PDE4B: variants seen among roughly 807,000 people sequenced by gnomAD.
PDE4B encodes the protein 3',5'-cyclic-AMP phosphodiesterase 4B.
Under a neutral mutation model 82.2 loss-of-function variants are expected in PDE4B, and 20 were observed. That is an observed-to-expected ratio of 0.24 (90% CI 0.17 to 0.35). The LOEUF is 0.35. Ranked by LOEUF, PDE4B falls within the 10% of genes least tolerant of loss-of-function variation. PDE4B has a pLI of 1.00. For missense variants in PDE4B, 655 were observed against 907.2 expected (o/e 0.72, Z 3.57); for synonymous variants, 320 against 318.9 (o/e 1.00, Z -0.04).
chr1:65,936,829 C>G (rs925816951), intron 3 of PDE4B, among the ~76,000 whole-genome samples: 4 of 152,200 alleles, frequency 2.6e-5, no homozygotes, highest in Admixed American at 1.3e-4. Context: ...ATGTTCTAAA[C>G]ACTGAATCAT....
intron 3 of PDE4B, among the ~76,000 whole-genome samples, chr1:65,966,199 G>A (rs1649820260): frequency 6.6e-6 from 1 of 152,142 alleles, no homozygotes; most frequent in Non-Finnish European, 1.5e-5. Flanking sequence ...CTTCAGCAAA[G>A]TCTCAGGATA....
intron 7 of PDE4B, among the ~76,000 whole-genome samples, chr1:66,272,620 CT>C (rs57740806): frequency 0.41 from 62,589 of 151,544 alleles, 15,276 homozygotes; most frequent in Non-Finnish European, 0.55. Context: ...CTCCTTTAGT[CT>C]TTTTCTCTAA....
chr1:66,085,101 C>A (rs1174824115), intron 3 of PDE4B, among the ~76,000 whole-genome samples: 1 of 152,116 alleles, frequency 6.6e-6, no homozygotes, highest in Non-Finnish European at 1.5e-5. Flanking sequence ...CAGTGGTCCC[C>A]AGTGTGTAGA....
intron 1 of PDE4B, among the ~76,000 whole-genome samples, chr1:65,856,806 A>G (rs1470417985): frequency 6.6e-6 from 1 of 152,224 alleles, no homozygotes; most frequent in Admixed American, 6.5e-5. Context: ...ACAGTCAATC[A>G]AAAGCATTGA....
intron 1 of PDE4B, among the ~76,000 whole-genome samples, chr1:65,855,820 T>G (rs150721676): frequency 1.3e-5 from 2 of 152,238 alleles, no homozygotes; most frequent in Non-Finnish European, 2.9e-5. Flanking sequence ...GGGATCTATT[T>G]TCCCTCTCTG....
chr1:66,049,703 A>G (rs534254087), intron 3 of PDE4B, among the ~76,000 whole-genome samples: 13 of 152,188 alleles, frequency 8.5e-5, no homozygotes, highest in African/African-American at 3.1e-4. Flanking sequence ...ATGAAGTGAT[A>G]TGCCCATTTG....
At chr1:65,867,967 T>G (rs192846322) in intron 1 of PDE4B, among the ~76,000 whole-genome samples, 34 of 152,342 alleles carry the variant, frequency 2.2e-4, no homozygotes, top group African/African-American at 7.7e-4. Flanking sequence ...TACGGTCAGT[T>G]AATAGACATT....
intron 3 of PDE4B, among the ~76,000 whole-genome samples, chr1:66,228,362 T>C (rs989851539): frequency 5.3e-5 from 8 of 152,112 alleles, no homozygotes; most frequent in African/African-American, 1.7e-4. Context: ...CTAGCTGCAA[T>C]ATAAGAAATC....
rs544100156 is a variant in PDE4B, at chr1:65,919,199, A to C, written c.281+364A>C. On this transcript the variant is annotated intron_variant, in intron 3 of 16. Transcript: ENST00000341517. ...ACAAATTACATGTTACTATATGTAT[A>C]TGATGTTCTTATTGCTGAACTCTAC... 9.8e-5 allele frequency among the ~76,000 whole-genome samples: 15 copies of C among 152,362 alleles called. No individual in the cohort carries two copies. In the South Asian group the frequency reaches 3.1e-3, roughly 32 times the overall value.
At chr1:66,216,708 A>G (rs1570488455) in intron 3 of PDE4B, among the ~76,000 whole-genome samples, 1 of 152,168 alleles carries the variant, frequency 6.6e-6, no homozygotes, top group African/African-American at 2.4e-5. Flanking sequence ...TCACATATTT[A>G]CTTCCAAACT....
chr1:65,838,581 G>GTA lies in PDE4B; in HGVS notation c.-71+45341_-71+45342dup, dbSNP rs199577753. ...TATGTATATGTATATATGTATATGTGTATATATATGTATATGTATCTATAT... is the reference window on the plus strand; with the variant it reads ...TATGTATATGTATATATGTATATGTGTATATATATATGTATATGTATCTATAT... On this transcript the variant is annotated intron_variant, in intron 1 of 16. Coordinates refer to ENST00000341517, the MANE Select transcript of PDE4B (RefSeq NM_002600.4). 2.1e-5 allele frequency among the ~76,000 whole-genome samples: 3 copies of GTA among 144,356 alleles called. No homozygotes were observed. In the South Asian group the frequency reaches 6.3e-4, roughly 30 times the overall value. 94.7% of individuals were successfully genotyped at this position (144,356 alleles called of 152,430 possible).
intron 3 of PDE4B, among the ~76,000 whole-genome samples, chr1:66,113,293 T>G (rs565213652): frequency 6.6e-6 from 1 of 152,210 alleles, no homozygotes; most frequent in Non-Finnish European, 1.5e-5. Context: ...AATTTTACTT[T>G]AACTAGCACT....
intron 3 of PDE4B, among the ~76,000 whole-genome samples, chr1:66,245,741 A>T (rs1430237707): frequency 1.3e-5 from 2 of 152,116 alleles, no homozygotes; most frequent in African/African-American, 4.8e-5. Context: ...GACCAAACAT[A>T]TTGGATTGTT....
chr1:66,119,390 G>A (rs1487399506), intron 3 of PDE4B, among the ~76,000 whole-genome samples: 1 of 152,218 alleles, frequency 6.6e-6, no homozygotes, highest in Non-Finnish European at 1.5e-5. Context: ...TTATTATGGA[G>A]TAGAACACAG....
intron 3 of PDE4B, among the ~76,000 whole-genome samples, chr1:66,019,265 C>G (rs1043989634): frequency 6.6e-6 from 1 of 151,202 alleles, no homozygotes; most frequent in South Asian, 2.1e-4. Flanking sequence ...TAGAACAAGT[C>G]GATAGTTCAC....
In PDE4B at chr1:66,372,644, T is replaced by C. The variant is rs2050826135; in HGVS notation, c.2177T>C (p.Ile726Thr). The change falls in exon 17 of 17, where the codon ATT (isoleucine) becomes ACT (threonine). Residue 726 changes from isoleucine to threonine, a missense_variant. Around this residue, in one of 3 missense-constraint regions of PDE4B, gnomAD observed 119 missense variants for 115.2 expected, o/e 1.03. Coordinates refer to ENST00000341517, the MANE Select transcript of PDE4B (RefSeq NM_002600.4). Reference protein sequence around the residue: ...RDSLGETDIDIATEDKSPVDT With the variant: ...RDSLGETDIDTATEDKSPVDT ...TCCCTGGGAGAGACTGACATAGACA[T>C]TGCAACAGAAGACAAGTCCCCCGTG... 1 of 1,613,808 alleles carries C rather than the reference T, an allele frequency of 6.2e-7. No individual in the cohort carries two copies. The highest frequency in any genetic ancestry group is 2.2e-5 in the East Asian group (1 of 44,882).
At chr1:66,083,943 A>G (rs1014993140) in intron 3 of PDE4B, among the ~76,000 whole-genome samples, 9 of 152,156 alleles carry the variant, frequency 5.9e-5, no homozygotes, top group African/African-American at 1.9e-4. Context: ...ACTCCATGTT[A>G]TGTCATAATC....
At chr1:66,049,054 C>T (rs940130319) in intron 3 of PDE4B, among the ~76,000 whole-genome samples, 2 of 151,986 alleles carry the variant, frequency 1.3e-5, no homozygotes, top group East Asian at 3.9e-4. Flanking sequence ...ATCTCCATAT[C>T]TTATATTTGA....
At chr1:66,009,841 A>G (rs1177196427) in intron 3 of PDE4B, among the ~76,000 whole-genome samples, 2 of 152,104 alleles carry the variant, frequency 1.3e-5, no homozygotes, top group Non-Finnish European at 2.9e-5. Context: ...CCTGATGTAT[A>G]TATCTACATA....
Sources: allele counts gnomAD v4.1 joint callset (sites outside exome capture counted in the v4.1 genomes callset), GRCh38; gene constraint gnomAD v4.1.1; regional missense constraint gnomAD v4.1.1; transcripts MANE v1.5; gene names NCBI Gene and HGNC (gene_info 2026-07-23, HGNC 2026-07-21).